Variants in DGKH observed in about 807,000 individuals in gnomAD.
DGKH encodes diacylglycerol kinase eta.
A neutral mutation model predicts 159.3 loss-of-function variants in DGKH; 90 were observed. The observed-to-expected ratio is 0.57, with a 90% CI of 0.48 to 0.67. The LOEUF (loss-of-function observed/expected upper bound fraction) is 0.67. DGKH is among the 30% of genes least tolerant of loss of function. The probability of loss-of-function intolerance (pLI) is 0.00; values close to 1 mark genes in which losing one functional copy is unlikely to be tolerated. For synonymous variants in DGKH, 536 were observed against 553.8 expected (o/e 0.97, Z 0.45); for missense variants, 1,181 against 1,506.1 (o/e 0.78, Z 3.57).
At chr13:42,053,009 A>T (rs1356312976) in intron 1 of DGKH, among the ~76,000 whole-genome samples, 2 of 152,196 alleles carry the variant, frequency 1.3e-5, no homozygotes, top group Non-Finnish European at 2.9e-5. Flanking sequence ...AAACATACCT[A>T]AACACTAAAA....
intron 29 of DGKH, among the ~76,000 whole-genome samples, chr13:42,227,883 TA>T (rs1958174672): frequency 6.6e-6 from 1 of 152,180 alleles, no homozygotes; most frequent in Non-Finnish European, 1.5e-5. Flanking sequence ...GAAAAATAAA[TA>T]AATTATAAAA....
intron 12 of DGKH, among the ~76,000 whole-genome samples, chr13:42,174,889 C>T (rs1478772453): frequency 6.6e-6 from 1 of 152,086 alleles, no homozygotes; most frequent in Non-Finnish European, 1.5e-5. Context: ...TCTGAAGGGA[C>T]AGCAAGACAG....
intron 7 of DGKH, among the ~76,000 whole-genome samples, chr13:42,161,290 C>G (rs1956173225): frequency 6.6e-6 from 1 of 152,136 alleles, no homozygotes; most frequent in South Asian, 2.1e-4. Context: ...TTTTATTGGC[C>G]TGTACATTTA....
At position 42,252,802 on chromosome 13, in the gene DGKH, C is replaced by T. The variant is rs563100015; in HGVS notation, n.4127+321C>T. On this transcript the variant is annotated intron_variant and non_coding_transcript_variant, in intron 30 of 30. Coordinates refer to the DGKH transcript ENST00000498255. ...TTGATCTGTCACCCAGGCTAGAGTGCAGTAGTGCGATCTCAGCTCACTACA... is the reference window on the plus strand; with the variant it reads ...TTGATCTGTCACCCAGGCTAGAGTGTAGTAGTGCGATCTCAGCTCACTACA... Among the ~76,000 whole-genome samples, 20 of 151,754 alleles carry T rather than the reference C, an allele frequency of 1.3e-4. No homozygotes were observed. In the South Asian group the frequency reaches 4.0e-3, roughly 30 times the overall value.
Position 42,069,314 on chromosome 13 carries a change from C to T in DGKH, c.192+20349C>T, listed in dbSNP as rs1452823719. 2.5e-6 allele frequency: 3 copies of T among 1,178,464 alleles called. No individual in the cohort carries two copies. The African/African-American group carries it at 4.6e-5, about 18-fold the overall frequency. The allele number at this position is 1,178,464 out of a possible 1,614,324, so 73.0% of individuals were successfully genotyped here. ...CCCCATCACTCACAAACTGGCTGTC[C>T]CAAGAAGATGGGTACAAAGTTTCTA... On this transcript the variant is annotated intron_variant, in intron 1 of 29. Coordinates refer to ENST00000337343, the MANE Select transcript of DGKH (RefSeq NM_178009.5).
At chr13:42,252,624 C>G (rs1466398826) in intron 30 of DGKH, 1 of 152,686 alleles carries the variant, frequency 6.5e-6, no homozygotes, top group Admixed American at 6.5e-5. Context: ...CCCATGGATG[C>G]TCAGGCTTGA....
chr13:42,146,194 G>A (rs7489541), intron 3 of DGKH, among the ~76,000 whole-genome samples: 132,958 of 141,348 alleles, frequency 0.94, 62,739 homozygotes, highest in Non-Finnish European at 0.98. Context: ...TCATATGAAT[G>A]TACTTTAGAT....
intron 1 of DGKH, chr13:42,040,149 C>T (rs554841894): frequency 6.6e-6 from 1 of 152,410 alleles, no homozygotes; most frequent in South Asian, 2.1e-4. Context: ...TGGGATTTCG[C>T]TCAAGCCTCA....
At chr13:42,215,912 C>A (rs4619294) in intron 26 of DGKH, among the ~76,000 whole-genome samples, 16 of 152,044 alleles carry the variant, frequency 1.1e-4, no homozygotes, top group South Asian at 4.1e-4. Context: ...TTAGGCAGCC[C>A]TGCTCTGCCC....
At chr13:42,256,514 G>A in exon 31 of DGKH, 1 of 881,604 alleles carries the variant, frequency 1.1e-6, no homozygotes, top group Non-Finnish European at 1.9e-6. Flanking sequence ...AAAAACTAAG[G>A]ACATGCTGAG....
At chr13:42,255,507 A>T (rs995387223) in intron 30 of DGKH, among the ~76,000 whole-genome samples, 12 of 152,236 alleles carry the variant, frequency 7.9e-5, no homozygotes, top group African/African-American at 2.2e-4. Context: ...TTTGGCTTGT[A>T]AAATGTCATT....
rs760996035 is a variant in DGKH at position 42,168,785 on chromosome 13, A to C, written c.1334A>C (p.Lys445Thr). Residue 445 changes from lysine (K) to threonine (T), a missense_variant, in exon 11 of 30, where the codon AAA (lysine) becomes ACA (threonine). Coordinates refer to ENST00000337343, the MANE Select transcript of DGKH (RefSeq NM_178009.5). ...ACCCAACTTCCTCAGATCCTAGAGAAACTGGAACGAGCCAGTACCAAAATG... is the reference window on the plus strand; with the variant it reads ...ACCCAACTTCCTCAGATCCTAGAGACACTGGAACGAGCCAGTACCAAAATG... ...DDTQLPQILE[K>T]LERASTKMLD... 6.2e-7 allele frequency: 1 copy of C among 1,614,022 alleles called. No individual in the cohort carries two copies. The highest frequency in any genetic ancestry group is 1.7e-5 in the Admixed American group (1 of 60,026).
intron 16 of DGKH, among the ~76,000 whole-genome samples, chr13:42,191,197 C>T (rs1025747056): frequency 5.3e-5 from 8 of 152,080 alleles, no homozygotes; most frequent in Non-Finnish European, 8.8e-5. Flanking sequence ...AAGTTTCTAA[C>T]GTACTGGAAT....
intron 19 of DGKH, 50 bp from the exon 20 acceptor site, chr13:42,199,763 G>C (rs1208307684): frequency 1.3e-6 from 2 of 1,576,682 alleles, no homozygotes; most frequent in Non-Finnish European, 1.7e-6. Context: ...TGCCTTTAAG[G>C]AGTAAATAAA....
chr13:42,244,224 G>A (rs1566236907), downstream of DGKH, among the ~76,000 whole-genome samples: 1 of 152,172 alleles, frequency 6.6e-6, no homozygotes, highest in Non-Finnish European at 1.5e-5. Flanking sequence ...TGCCATATGG[G>A]CTGAAACCTT....
chr13:42,170,942 C>CAAA (rs5803114), intron 11 of DGKH, among the ~76,000 whole-genome samples: 2,083 of 136,020 alleles, frequency 0.015, 23 homozygotes, highest in Middle Eastern at 0.036. Flanking sequence ...GACTCTGTCT[C>CAAA]AAAAAAAAAA....
At chr13:42,094,216 T>A (rs935666373) in intron 1 of DGKH, among the ~76,000 whole-genome samples, 1 of 152,094 alleles carries the variant, frequency 6.6e-6, no homozygotes, top group Admixed American at 6.5e-5. Flanking sequence ...CATGTATACA[T>A]GTGTAACAAA....
intron 3 of DGKH, among the ~76,000 whole-genome samples, chr13:42,149,875 A>C (rs1955832536): frequency 6.6e-6 from 1 of 152,228 alleles, no homozygotes; most frequent in Non-Finnish European, 1.5e-5. Flanking sequence ...TTATTTTTCA[A>C]ACACTTGTTT....
chr13:42,187,186 G>A, intron 14 of DGKH, 38 bp downstream of exon 14: 1 of 1,517,652 alleles, frequency 6.6e-7, no homozygotes. Flanking sequence ...AGTTGTTTAT[G>A]GACAATGCTC....
Sources: gnomAD v4.1 joint callset for allele counts (sites outside exome capture counted in the v4.1 genomes callset) on GRCh38, gnomAD v4.1.1 for gene constraint, MANE v1.5 for transcripts, NCBI Gene and HGNC (gene_info 2026-07-23, HGNC 2026-07-21) for gene names.